The following MEF2C variants were observed in gnomAD, a reference collection of about 807,000 sequenced individuals.
MEF2C encodes the protein myocyte-specific enhancer factor 2C.
A neutral mutation model predicts 50.5 loss-of-function variants in MEF2C; 6 were observed. The observed-to-expected ratio is 0.12, with a 90% CI of 0.07 to 0.23. The LOEUF is 0.23. Ranked by LOEUF, MEF2C falls within the 10% of genes least tolerant of loss-of-function variation. MEF2C has a pLI of 1.00. For synonymous variants in MEF2C, 183 were observed against 228.0 expected (o/e 0.80, Z 1.78); for missense variants, 276 against 605.0 (o/e 0.46, Z 5.70).
intron 3 of MEF2C, among the ~76,000 whole-genome samples, chr5:88,795,871 GC>G (rs1303565818): frequency 6.6e-6 from 1 of 152,098 alleles, no homozygotes; most frequent in Non-Finnish European, 1.5e-5. Context: ...TTTTATCGAC[GC>G]CCTTTTCTGC....
At chr5:88,771,662 G>A in intron 3 of MEF2C, 1 of 953,868 alleles carries the variant, frequency 1.0e-6, no homozygotes, top group Non-Finnish European at 1.2e-6. Flanking sequence ...CTGGATAAAT[G>A]AATAAGCAAA....
intron 4 of MEF2C, among the ~76,000 whole-genome samples, chr5:88,757,948 AGGTCATTATAT>A (rs1469159150): frequency 1.3e-5 from 2 of 152,124 alleles, no homozygotes; most frequent in East Asian, 3.9e-4. Flanking sequence ...AATAAAATAG[AGGTCATTATAT>A]GGTCACCTAC....
At chr5:88,859,302 G>T (rs1429806950) in intron 1 of MEF2C, among the ~76,000 whole-genome samples, 1 of 152,122 alleles carries the variant, frequency 6.6e-6, no homozygotes, top group African/African-American at 2.4e-5. Context: ...GAACATAATG[G>T]TATGTTAGAG....
intron 4 of MEF2C, chr5:88,760,943 C>T (rs1554116737): frequency 1.3e-6 from 2 of 1,574,862 alleles, no homozygotes; most frequent in Non-Finnish European, 1.7e-6. Flanking sequence ...AGGTATGTTA[C>T]TGCAGCAGTT....
chr5:88,801,040 T>C (rs1208979888), intron 3 of MEF2C, among the ~76,000 whole-genome samples: 2 of 152,328 alleles, frequency 1.3e-5, no homozygotes, highest in East Asian at 1.9e-4. Flanking sequence ...AAAGAAGGAA[T>C]CTTTTTCAAC....
chr5:88,821,101 A>T (rs1470109836), intron 2 of MEF2C, among the ~76,000 whole-genome samples: 5 of 152,040 alleles, frequency 3.3e-5, no homozygotes, highest in African/African-American at 1.2e-4. Context: ...ATTTAAAAAA[A>T]TGATAAGTCA....
At chr5:88,806,182 C>T (rs1488496366) in intron 2 of MEF2C, among the ~76,000 whole-genome samples, 1 of 152,106 alleles carries the variant, frequency 6.6e-6, no homozygotes, top group Admixed American at 6.6e-5. Context: ...AGCTAATTTA[C>T]TTAATTAAGC....
intron 3 of MEF2C, among the ~76,000 whole-genome samples, chr5:88,777,304 C>T (rs930877630): frequency 2.0e-5 from 3 of 152,150 alleles, no homozygotes; most frequent in Non-Finnish European, 4.4e-5. Flanking sequence ...ATAACACCTA[C>T]CATTTACCAA....
intron 3 of MEF2C, among the ~76,000 whole-genome samples, chr5:88,792,988 T>C (rs1285365990): frequency 6.6e-6 from 1 of 152,212 alleles, no homozygotes; most frequent in Non-Finnish European, 1.5e-5. Flanking sequence ...TAACTTTCTC[T>C]AGACCTCATG....
At chr5:88,753,530 T>C (rs1773834976) in intron 4 of MEF2C, among the ~76,000 whole-genome samples, 1 of 152,108 alleles carries the variant, frequency 6.6e-6, no homozygotes, top group Non-Finnish European at 1.5e-5. Context: ...CAAGCAGTGG[T>C]TGGCATGTGC....
chr5:88,758,612 C>T (rs914153991), intron 4 of MEF2C, among the ~76,000 whole-genome samples: 2 of 152,174 alleles, frequency 1.3e-5, no homozygotes, highest in Admixed American at 1.3e-4. Context: ...GCAGAGTGTC[C>T]TTGCCCTGCT....
At chr5:88,866,466 C>T (rs1429587430) in intron 1 of MEF2C, among the ~76,000 whole-genome samples, 3 of 152,154 alleles carry the variant, frequency 2.0e-5, no homozygotes, top group African/African-American at 7.2e-5. Context: ...TCTCTGTCCT[C>T]ACTTCTAGTC....
chr5:88,742,590 T>C lies in MEF2C; in HGVS notation c.637+6480A>G, dbSNP rs930314508. 3.0e-6 allele frequency: 3 copies of C among 984,732 alleles called. No homozygotes were observed. The African/African-American group carries it at 5.2e-5, about 17-fold the overall frequency. The allele number at this position is 984,732 out of a possible 1,614,324, so 61.0% of individuals were successfully genotyped here. On this transcript the variant is annotated intron_variant, in intron 6 of 10. Transcript: ENST00000504921. ...AGGGCTCTAAAATCTGCTAAAACAC[T>C]CTCTAGGAAGTTATAACCTAAAATT...
At chr5:88,858,797 T>TA (rs1824427199) in intron 1 of MEF2C, among the ~76,000 whole-genome samples, 2 of 152,142 alleles carry the variant, frequency 1.3e-5, no homozygotes, top group African/African-American at 4.8e-5. Context: ...AACGCTATTT[T>TA]TAAAAAAAAC....
intron 3 of MEF2C, chr5:88,768,610 G>A: frequency 1.2e-6 from 1 of 846,338 alleles, no homozygotes; most frequent in Non-Finnish European, 1.4e-6. Flanking sequence ...CACAAGGCCT[G>A]GCAAGTGGTC....
intron 3 of MEF2C, among the ~76,000 whole-genome samples, chr5:88,776,407 T>C (rs1036057517): frequency 1.3e-5 from 2 of 152,182 alleles, no homozygotes; most frequent in Non-Finnish European, 2.9e-5. Flanking sequence ...TTATTGACCA[T>C]AGCCACCCTG....
At chr5:88,780,535 G>T (rs1343083234) in intron 3 of MEF2C, among the ~76,000 whole-genome samples, 1 of 152,130 alleles carries the variant, frequency 6.6e-6, no homozygotes, top group Admixed American at 6.5e-5. Flanking sequence ...TGTTCACCTG[G>T]TATTAAGCCA....
chr5:88,746,836 TAGAA>T (rs1769938736), intron 6 of MEF2C, among the ~76,000 whole-genome samples: 1 of 152,200 alleles, frequency 6.6e-6, no homozygotes, highest in African/African-American at 2.4e-5. Context: ...GGACCAGAGT[TAGAA>T]AGGGCTTCTT....
intron 6 of MEF2C, chr5:88,739,245 A>T: frequency 2.0e-6 from 2 of 983,066 alleles, no homozygotes; most frequent in Non-Finnish European, 2.4e-6. Flanking sequence ...GATTTGAAGC[A>T]AATTGACACA....
Sources: allele counts gnomAD v4.1 joint callset (sites outside exome capture counted in the v4.1 genomes callset), GRCh38; gene constraint gnomAD v4.1.1; transcripts MANE v1.5; gene names NCBI Gene and HGNC (gene_info 2026-07-23, HGNC 2026-07-21).